RINT1: variants seen among roughly 807,000 people sequenced by gnomAD.
The protein encoded by RINT1 is RAD50-interacting protein 1.
RINT1 carries 75 observed loss-of-function variants against 97.7 expected under a neutral mutation model. That is an observed-to-expected ratio of 0.77 (90% CI 0.64 to 0.93). RINT1 has a LOEUF of 0.93. Ranked by LOEUF, RINT1 falls within the 40% of genes least tolerant of loss-of-function variation. RINT1 has a pLI of 0.00. For missense variants in RINT1, 892 were observed against 925.2 expected (o/e 0.96, Z 0.47); for synonymous variants, 303 against 326.3 (o/e 0.93, Z 0.77).
rs557746825 is a variant in RINT1 at position 105,544,833 on chromosome 7, G to C, written c.516-2077G>C. ...CAAATTCATAAGCAGGTAGAGCACA[G>C]TTATTTTTCTGTCTTTAATAATGTG... On this transcript the variant is annotated intron_variant, in intron 4 of 14. Coordinates refer to ENST00000257700, the MANE Select transcript of RINT1 (RefSeq NM_021930.6). Among the ~76,000 whole-genome samples the C allele has an allele frequency of 3.3e-5, 5 of 152,276 alleles. No individual in the cohort carries two copies. The South Asian group carries it at 1.0e-3, about 32-fold the overall frequency.
At chr7:105,558,029 A>C (rs1221580099) in intron 11 of RINT1, among the ~76,000 whole-genome samples, 2 of 152,182 alleles carry the variant, frequency 1.3e-5, no homozygotes, top group African/African-American at 4.8e-5. Flanking sequence ...AAGTCAGCTA[A>C]TCAGTCTGGG....
At chr7:105,543,081 G>A (rs1288268523) in intron 4 of RINT1, among the ~76,000 whole-genome samples, 6 of 151,640 alleles carry the variant, frequency 4.0e-5, no homozygotes, top group Admixed American at 1.3e-4. Flanking sequence ...TAGTAGAGAC[G>A]GGGTTTCACC....
At chr7:105,543,692 T>G (rs1790549004) in intron 4 of RINT1, among the ~76,000 whole-genome samples, 1 of 152,222 alleles carries the variant, frequency 6.6e-6, no homozygotes. Context: ...TCATAGTTAA[T>G]AAACCTGATA....
chr7:105,564,760 G>C (rs868856125), intron 12 of RINT1, among the ~76,000 whole-genome samples: 1 of 152,138 alleles, frequency 6.6e-6, no homozygotes, highest in Admixed American at 6.6e-5. Context: ...CAGCACTTTG[G>C]GAGGCCAAGG....
At chr7:105,556,225 C>T (rs887144582) in intron 11 of RINT1, among the ~76,000 whole-genome samples, 6 of 151,926 alleles carry the variant, frequency 3.9e-5, no homozygotes, top group African/African-American at 1.4e-4. Context: ...CGCCACCATG[C>T]CTGGCTAATT....
chr7:105,567,113 A>C lies in RINT1; in HGVS notation c.2187-6A>C. ...CTCATTTCCCTCCTTTGTTTTCCCT[A>C]AACAGTATAAAAGAAGCCTGTATTG... On this transcript the variant is annotated splice_region_variant and splice_polypyrimidine_tract_variant and intron_variant, in intron 14 of 14. Coordinates refer to ENST00000257700, the MANE Select transcript of RINT1 (RefSeq NM_021930.6). 4 of 1,522,790 alleles carry C rather than the reference A, an allele frequency of 2.6e-6. No individual in the cohort carries two copies. Among genetic ancestry groups the C allele is most frequent in the East Asian group, 2.3e-5 (1 of 42,796 alleles). 94.3% of individuals were successfully genotyped at this position (1,522,790 alleles called of 1,614,324 possible).
intron 11 of RINT1, 24 bp from the exon 12 acceptor site, chr7:105,563,707 ATG>A (rs375316742): frequency 6.4e-7 from 1 of 1,556,762 alleles, no homozygotes; most frequent in African/African-American, 1.4e-5. Flanking sequence ...AAGTATGCTA[ATG>A]TGTTAACATG....
intron 2 of RINT1, among the ~76,000 whole-genome samples, chr7:105,536,286 A>G (rs1790229059): frequency 6.6e-6 from 1 of 151,988 alleles, no homozygotes; most frequent in Admixed American, 6.6e-5. Context: ...AGCCTCCCGA[A>G]TAGCTGGGAC....
chr7:105,565,336 G>A lies in RINT1; in HGVS notation c.1946G>A (p.Cys649Tyr), dbSNP rs753092357. Residue 649 changes from cysteine to tyrosine, a missense_variant, in exon 13 of 15, where the codon TGC becomes TAC. Coordinates refer to ENST00000257700, the MANE Select transcript of RINT1 (RefSeq NM_021930.6). ...QAVMSLSSSA[C>Y]PLLLTLRDHL... is the part of the protein sequence containing the mutation. ...GTGATGTCCCTGTCCAGTTCGGCTTGCCCGTTGCTGCTGACGTTACGAGAC... is the reference window on the plus strand; with the variant it reads ...GTGATGTCCCTGTCCAGTTCGGCTTACCCGTTGCTGCTGACGTTACGAGAC... The A allele has an allele frequency of 6.2e-7, 1 of 1,614,196 alleles. No homozygotes were observed. The highest frequency in any genetic ancestry group is 2.2e-5 in the East Asian group (1 of 44,892).
In RINT1 at chr7:105,555,044, TC is replaced by T; in HGVS notation, c.1491del (p.Thr498GlnfsTer15). 1 of 1,613,820 alleles carries T rather than the reference TC, an allele frequency of 6.2e-7. No individual in the cohort carries two copies. The highest frequency in any genetic ancestry group is 2.2e-5 in the East Asian group (1 of 44,836). On this transcript the variant is annotated frameshift_variant, in exon 11 of 15. Coordinates refer to ENST00000257700, the MANE Select transcript of RINT1 (RefSeq NM_021930.6). LOFTEE classifies it high-confidence loss of function. ...LVITDRYKNL[P>X]TASRKLQFLE... is the part of the protein sequence containing the mutation. ...TTTCCACAGACAGGTATAAAAATCT[TC>T]CCACAGCTTCCCGAAAGCTTCAGTT...
rs775572395 is a variant in RINT1 at position 105,550,347 on chromosome 7, C to T, written c.1194C>T (p.Phe398=). The change falls in exon 9 of 15, where the codon TTC becomes TTT. Residue 398 remains phenylalanine (F), a synonymous_variant. Transcript: ENST00000257700. ...IPCLLYDDNL[F]CHLVDEVLLF... ...GTCTGCTATATGATGACAATCTCTT[C>T]TGTCATTTGGTGGATGAAGTACTCT... 6.2e-7 allele frequency: 1 copy of T among 1,613,930 alleles called. No individual in the cohort carries two copies. The highest frequency in any genetic ancestry group is 1.1e-5 in the South Asian group (1 of 91,064).
Position 105,548,728 on chromosome 7 carries a change from T to A in RINT1, c.996+18T>A. The A allele has an allele frequency of 1.3e-6, 2 of 1,582,670 alleles. No homozygotes were observed. The highest frequency in any genetic ancestry group is 4.5e-5 in the East Asian group (2 of 44,434). On this transcript the variant is annotated intron_variant, in intron 7 of 14. Coordinates refer to ENST00000257700, the MANE Select transcript of RINT1 (RefSeq NM_021930.6). Reference sequence around the variant, plus strand: ...TAAGCAAGGTGTGTTTTGCCAGCTCTTGTCCTTGGTTTTTATTGGTAACAA... The same window carrying A: ...TAAGCAAGGTGTGTTTTGCCAGCTCATGTCCTTGGTTTTTATTGGTAACAA...
chr7:105,565,516 ATTC>A lies in RINT1; in HGVS notation c.2068-11_2068-9del. The A allele has an allele frequency of 1.2e-6, 2 of 1,611,824 alleles. No individual in the cohort carries two copies. Among genetic ancestry groups the A allele is most frequent in the Non-Finnish European group, 1.7e-6 (2 of 1,178,328 alleles). On this transcript the variant is annotated splice_polypyrimidine_tract_variant and intron_variant, in intron 13 of 14. Transcript: ENST00000257700. The stretch of plus-strand genomic sequence containing the variant: ...AATAAAGACAACTGTTATATGAATT[ATTC>A]TTTGTTTCAGATAATTCTTGCTAAT...
chr7:105,567,066 A>G, intron 14 of RINT1, 53 bp from the exon 15 acceptor site: 1 of 1,142,026 alleles, frequency 8.8e-7, no homozygotes. Context: ...ATTGTAATAT[A>G]ATTGATGCAG....
Position 105,548,687 on chromosome 7 carries a change from C to A in RINT1, c.973C>A (p.Arg325=). The A allele has an allele frequency of 3.1e-6, 5 of 1,613,332 alleles. No homozygotes were observed. Among genetic ancestry groups the A allele is most frequent in the Non-Finnish European group, 4.2e-6 (5 of 1,179,674 alleles). Residue 325 remains arginine, a synonymous_variant, in exon 7 of 15, where the codon CGG becomes AGG. Coordinates refer to ENST00000257700, the MANE Select transcript of RINT1 (RefSeq NM_021930.6). ...GTTCAGGTATCACTTCAGAGGGAAC[C>A]GGCAGACTAATGTGTTAAGCAAGGT... The part of the protein sequence containing the change: ...KRFRYHFRGN[R]QTNVLSKPEW...
intron 11 of RINT1, among the ~76,000 whole-genome samples, chr7:105,562,932 A>G (rs1371783569): frequency 6.6e-6 from 1 of 152,100 alleles, no homozygotes; most frequent in African/African-American, 2.4e-5. Context: ...CAAAACAAAA[A>G]AAACTTGTAC....
At chr7:105,533,014 A>G (rs1175234305) in intron 2 of RINT1, 145 bp downstream of exon 2, 2 of 735,998 alleles carry the variant, frequency 2.7e-6, no homozygotes, top group South Asian at 1.6e-5. Flanking sequence ...ACTGATGACC[A>G]TGATACACAT....
intron 3 of RINT1, among the ~76,000 whole-genome samples, chr7:105,541,433 G>A (rs188139491): frequency 1.1e-4 from 17 of 151,928 alleles, no homozygotes; most frequent in African/African-American, 3.9e-4. Context: ...CACCGTGCCC[G>A]GCCCTTCCTT....
chr7:105,550,809 C>T (rs943473817), intron 9 of RINT1, among the ~76,000 whole-genome samples: 1 of 151,940 alleles, frequency 6.6e-6, no homozygotes, highest in Non-Finnish European at 1.5e-5. Flanking sequence ...GGCTAAAGTG[C>T]AGTAGTTTGA....
Sources: allele counts gnomAD v4.1 joint callset (sites outside exome capture counted in the v4.1 genomes callset), GRCh38; gene constraint gnomAD v4.1.1; transcripts MANE v1.5; gene names NCBI Gene and HGNC (gene_info 2026-07-23, HGNC 2026-07-21).